Variants in CSMD1 observed in about 807,000 individuals in gnomAD.
CSMD1 encodes CUB and Sushi multiple domains 1.
A neutral mutation model predicts 417.5 loss-of-function variants in CSMD1; 213 were observed. That is an observed-to-expected ratio of 0.51 (90% CI 0.46 to 0.57). CSMD1 has a LOEUF of 0.57. CSMD1 is among the 20% of genes least tolerant of loss of function. The pLI is 0.00. For missense variants in CSMD1, 6,923 were observed against 4,529.7 expected (o/e 1.53, Z -15.17); for synonymous variants, 2,862 against 1,736.8 (o/e 1.65, Z -16.11).
At chr8:3,884,940 T>C (rs1287048057) in intron 5 of CSMD1, among the ~76,000 whole-genome samples, 2 of 149,102 alleles carry the variant, frequency 1.3e-5, no homozygotes, top group African/African-American at 4.9e-5. Context: ...TTCATATATA[T>C]ATATACACAC....
intron 3 of CSMD1, among the ~76,000 whole-genome samples, chr8:4,391,583 C>G (rs1049244863): frequency 1.3e-5 from 2 of 151,990 alleles, no homozygotes; most frequent in Non-Finnish European, 2.9e-5. Context: ...TTCAGCTACC[C>G]TATTTTTGCC....
At chr8:3,938,999 T>C (rs962379331) in intron 5 of CSMD1, among the ~76,000 whole-genome samples, 5 of 152,026 alleles carry the variant, frequency 3.3e-5, no homozygotes, top group Non-Finnish European at 7.4e-5. Context: ...TGGGGTGGGG[T>C]AGAATATTAC....
At chr8:3,674,048 A>G (rs1799235586) in intron 7 of CSMD1, among the ~76,000 whole-genome samples, 3 of 152,126 alleles carry the variant, frequency 2.0e-5, no homozygotes, top group Non-Finnish European at 4.4e-5. Context: ...AGAGGTTGCA[A>G]TGAGCCATGA....
At chr8:3,134,893 C>T (rs1172650060) in intron 41 of CSMD1, among the ~76,000 whole-genome samples, 1 of 152,138 alleles carries the variant, frequency 6.6e-6, no homozygotes, top group Non-Finnish European at 1.5e-5. Flanking sequence ...GAGTGTGGCG[C>T]AGAGTGAGCA....
chr8:4,245,353 G>T (rs923972241), intron 3 of CSMD1, among the ~76,000 whole-genome samples: 3 of 152,130 alleles, frequency 2.0e-5, no homozygotes, highest in African/African-American at 7.2e-5. Context: ...GGGGTGGGAG[G>T]AAAGATTGCA....
intron 1 of CSMD1, among the ~76,000 whole-genome samples, chr8:4,875,028 C>T (rs923898765): frequency 1.3e-5 from 2 of 151,252 alleles, no homozygotes; most frequent in African/African-American, 4.9e-5. Context: ...CCTTCCTCTT[C>T]TCTCTCCCTC....
chr8:3,814,880 T>C (rs890962109), intron 5 of CSMD1, among the ~76,000 whole-genome samples: 1 of 152,158 alleles, frequency 6.6e-6, no homozygotes, highest in African/African-American at 2.4e-5. Context: ...TGTTAATTAT[T>C]TAAAGTCATG....
intron 10 of CSMD1, among the ~76,000 whole-genome samples, chr8:3,534,678 T>C (rs17066342): frequency 0.13 from 20,050 of 152,180 alleles, 1,699 homozygotes; most frequent in African/African-American, 0.21. Flanking sequence ...TAGAAAACCA[T>C]TGTGTACATC....
intron 3 of CSMD1, among the ~76,000 whole-genome samples, chr8:4,242,604 C>G (rs1277393789): frequency 6.6e-6 from 1 of 152,112 alleles, no homozygotes; most frequent in Non-Finnish European, 1.5e-5. Context: ...TACAAATAAA[C>G]CAGACTACTG....
chr8:4,803,552 G>T (rs143429137), intron 1 of CSMD1, among the ~76,000 whole-genome samples: 1 of 152,062 alleles, frequency 6.6e-6, no homozygotes, highest in African/African-American at 2.4e-5. Context: ...GTAAATCTCA[G>T]CTGTTTTATT....
intron 1 of CSMD1, among the ~76,000 whole-genome samples, chr8:4,652,857 C>T (rs55929127): frequency 0.013 from 2,028 of 152,096 alleles, 27 homozygotes; most frequent in Non-Finnish European, 0.02. Flanking sequence ...TTGCGTGCAC[C>T]GTTCACAATA....
rs963062909 is a variant in CSMD1 at position 3,937,924 on chromosome 8, C to T, written c.818+59979G>A. Among the ~76,000 whole-genome samples the T allele has an allele frequency of 3.3e-5, 5 of 152,042 alleles. No homozygotes were observed. The East Asian group carries it at 9.7e-4, about 29-fold the overall frequency. On this transcript the variant is annotated intron_variant, in intron 5 of 69. Coordinates refer to ENST00000635120, the MANE Select transcript of CSMD1 (RefSeq NM_033225.6). Reference sequence around the variant, plus strand: ...AAAGAGTTATAAAACTTTATTAAACCTCAGTTCTAATGTTTAGTTACATAC... The same window carrying T: ...AAAGAGTTATAAAACTTTATTAAACTTCAGTTCTAATGTTTAGTTACATAC...
intron 5 of CSMD1, among the ~76,000 whole-genome samples, chr8:3,908,542 A>C (rs1472953123): frequency 6.6e-6 from 1 of 152,162 alleles, no homozygotes; most frequent in Non-Finnish European, 1.5e-5. Context: ...AACCTAAGGG[A>C]AACACTTTTG....
At chr8:3,242,786 C>A (rs1263002344) in intron 26 of CSMD1, among the ~76,000 whole-genome samples, 1 of 151,028 alleles carries the variant, frequency 6.6e-6, no homozygotes, top group South Asian at 2.1e-4. Flanking sequence ...ACCCTCCAGA[C>A]AAGCGGGAAA....
intron 8 of CSMD1, among the ~76,000 whole-genome samples, chr8:3,611,784 A>T (rs903023661): frequency 1.3e-5 from 2 of 152,146 alleles, no homozygotes; most frequent in African/African-American, 4.8e-5. Flanking sequence ...AACTCGATGA[A>T]TCATTATTTT....
intron 8 of CSMD1, among the ~76,000 whole-genome samples, chr8:3,607,014 G>A (rs367929778): frequency 9.2e-5 from 14 of 152,060 alleles, no homozygotes; most frequent in Admixed American, 5.2e-4. Context: ...CTGGCCTACC[G>A]TGTTACAGTT....
chr8:4,644,374 A>G (rs1191021846), intron 1 of CSMD1, among the ~76,000 whole-genome samples: 2 of 151,426 alleles, frequency 1.3e-5, no homozygotes, highest in East Asian at 2.0e-4. Context: ...TCATATCTCA[A>G]TCAGCAACAT....
intron 1 of CSMD1, among the ~76,000 whole-genome samples, chr8:4,957,904 T>C (rs971498209): frequency 1.3e-5 from 2 of 152,204 alleles, no homozygotes; most frequent in African/African-American, 4.8e-5. Context: ...AAAGCTGGTG[T>C]CTGTAAGGAG....
chr8:4,328,773 A>G (rs1050664338), intron 3 of CSMD1, among the ~76,000 whole-genome samples: 7 of 152,194 alleles, frequency 4.6e-5, no homozygotes, highest in African/African-American at 1.4e-4. Context: ...TAAGTTAGCA[A>G]TCTGACAAAG....
Sources: allele counts gnomAD v4.1 joint callset (sites outside exome capture counted in the v4.1 genomes callset), GRCh38; gene constraint gnomAD v4.1.1; transcripts MANE v1.5; gene names NCBI Gene and HGNC (gene_info 2026-07-23, HGNC 2026-07-21).